TNPO1: variants seen among roughly 807,000 people sequenced by gnomAD.
TNPO1 encodes the protein transportin-1.
Under a neutral mutation model 119.5 loss-of-function variants are expected in TNPO1, and 8 were observed. The observed-to-expected ratio is 0.07, with a 90% CI of 0.04 to 0.12. TNPO1 has a LOEUF of 0.12. TNPO1 is among the 10% of genes least tolerant of loss of function. The probability of loss-of-function intolerance (pLI) is 1.00; values close to 1 mark genes in which losing one functional copy is unlikely to be tolerated. For synonymous variants in TNPO1, 362 were observed against 363.0 expected (o/e 1.00, Z 0.03); for missense variants, 576 against 1,089.8 (o/e 0.53, Z 6.64).
chr5:72,906,662 C>T (rs1274911560), intron 24 of TNPO1, among the ~76,000 whole-genome samples: 2 of 152,148 alleles, frequency 1.3e-5, no homozygotes, highest in Non-Finnish European at 2.9e-5. Context: ...TTCATTTGGA[C>T]TCTTGCTCCT....
intron 13 of TNPO1, among the ~76,000 whole-genome samples, chr5:72,889,406 C>A (rs1350244218): frequency 6.6e-6 from 1 of 151,854 alleles, no homozygotes; most frequent in African/African-American, 2.4e-5. Context: ...GCAGTCATAT[C>A]TGGAAGATAT....
intron 13 of TNPO1, 103 bp downstream of exon 13, chr5:72,888,406 A>G: frequency 9.7e-7 from 1 of 1,035,850 alleles, no homozygotes; most frequent in Non-Finnish European, 1.4e-6. Context: ...AGTGTTTCGT[A>G]ATTGAAAATT....
chr5:72,852,586 A>G (rs1452033804), intron 3 of TNPO1, among the ~76,000 whole-genome samples: 1 of 152,250 alleles, frequency 6.6e-6, no homozygotes, highest in Admixed American at 6.5e-5. Context: ...TAATAAAATC[A>G]CTGCACTTGG....
At chr5:72,883,794 T>G (rs1442808887) in intron 11 of TNPO1, among the ~76,000 whole-genome samples, 1 of 152,106 alleles carries the variant, frequency 6.6e-6, no homozygotes, top group Non-Finnish European at 1.5e-5. Flanking sequence ...CTAGCATGAT[T>G]ATGCAGTGGC....
intron 1 of TNPO1, 62 bp downstream of exon 1, chr5:72,816,814 C>G: frequency 6.5e-7 from 1 of 1,535,216 alleles, no homozygotes; most frequent in South Asian, 1.2e-5. Context: ...CTGGGAGCGC[C>G]GAGCTGCCTG....
At chr5:72,868,458 A>AAACAC (rs1554052270) in intron 6 of TNPO1, among the ~76,000 whole-genome samples, 2 of 113,318 alleles carry the variant, frequency 1.8e-5, no homozygotes, top group Admixed American at 1.0e-4. Flanking sequence ...AAAAAAAAAA[A>AAACAC]ACACAAAATA....
chr5:72,864,057 T>C (rs1746692572), intron 5 of TNPO1, among the ~76,000 whole-genome samples: 1 of 152,166 alleles, frequency 6.6e-6, no homozygotes, highest in Non-Finnish European at 1.5e-5. Flanking sequence ...TGTTTGTTCT[T>C]ATTTGAAATT....
chr5:72,910,847 C>A lies in TNPO1; in HGVS notation c.*2174C>A, dbSNP rs1312957382. ...TGTTTTTTAACGTTCTTTCACCTTT[C>A]CTCTACTTTGGCTTTGCAAATTTCA... is the stretch of plus-strand genomic sequence containing the variant. On this transcript the variant is annotated 3_prime_UTR_variant, in exon 25 of 25. Coordinates refer to ENST00000337273, the MANE Select transcript of TNPO1 (RefSeq NM_002270.4). The A allele has an allele frequency of 6.6e-6, 1 of 151,902 alleles. No individual in the cohort carries two copies. Among genetic ancestry groups the A allele is most frequent in the Non-Finnish European group, 1.5e-5 (1 of 67,928 alleles). 9.4% of individuals were successfully genotyped at this position (151,902 alleles called of 1,614,324 possible).
In TNPO1 at chr5:72,900,001, C is replaced by G. The variant is rs1338184336; in HGVS notation, c.2339-5C>G. On this transcript the variant is annotated splice_polypyrimidine_tract_variant and splice_region_variant and intron_variant, in intron 20 of 24. Coordinates refer to ENST00000337273, the MANE Select transcript of TNPO1 (RefSeq NM_002270.4). ...TGGTGTATAACCGTGATTGCGTTAC[C>G]TTAGCAATAACAATTGGTCGTCTTG... 1.9e-6 allele frequency: 3 copies of G among 1,613,616 alleles called. No individual in the cohort carries two copies. Among genetic ancestry groups the G allele is most frequent in the Non-Finnish European group, 2.5e-6 (3 of 1,179,696 alleles).
At chr5:72,878,747 A>T in intron 9 of TNPO1, 2 of 250,484 alleles carry the variant, frequency 8.0e-6, no homozygotes, top group Non-Finnish European at 1.6e-5. Flanking sequence ...GATACGTTTG[A>T]GTTTCTGTGG....
Position 72,904,182 on chromosome 5 carries a change from G to A in TNPO1, c.2589+399G>A, listed in dbSNP as rs191037928. On this transcript the variant is annotated intron_variant, in intron 23 of 24. Transcript: ENST00000337273. The stretch of plus-strand genomic sequence containing the variant: ...GTTAATACCCTCTTTTGATTAACTC[G>A]TCAGTACTCAACCACAGTAAAAAAT... 5.0e-4 allele frequency among the ~76,000 whole-genome samples: 76 copies of A among 152,178 alleles called. 1 individual carries two copies. Among genetic ancestry groups the A allele is most frequent in the East Asian group, 2.1e-3 (11 of 5,188 alleles).
chr5:72,903,255 T>A (rs974833098), intron 22 of TNPO1, among the ~76,000 whole-genome samples: 10 of 152,192 alleles, frequency 6.6e-5, no homozygotes, highest in African/African-American at 2.4e-4. Context: ...AAAATGGACC[T>A]TGAAATTACT....
At chr5:72,872,755 A>G (rs375725073) in intron 7 of TNPO1, 35 bp downstream of exon 7, 7 of 1,455,920 alleles carry the variant, frequency 4.8e-6, no homozygotes, top group Non-Finnish European at 6.5e-6. Flanking sequence ...CCAACCCCCC[A>G]GCTTTTTTTT....
intron 21 of TNPO1, chr5:72,900,761 G>T (rs1264818204): frequency 2.8e-6 from 1 of 355,568 alleles, no homozygotes; most frequent in Non-Finnish European, 5.1e-6. Context: ...AATTTATTAA[G>T]AAAATGTGGA....
At chr5:72,869,997 A>G (rs900988112) in intron 6 of TNPO1, among the ~76,000 whole-genome samples, 10 of 152,130 alleles carry the variant, frequency 6.6e-5, no homozygotes, top group Non-Finnish European at 1.3e-4. Flanking sequence ...TTGGGAAATG[A>G]TATTTAGAGC....
chr5:72,864,486 T>C (rs1485806680), intron 5 of TNPO1, among the ~76,000 whole-genome samples: 2 of 152,202 alleles, frequency 1.3e-5, no homozygotes, highest in African/African-American at 2.4e-5. Flanking sequence ...CCCTTTAGTA[T>C]TAAAATGATT....
chr5:72,868,426 C>T (rs575070138), intron 6 of TNPO1, among the ~76,000 whole-genome samples: 23 of 63,782 alleles, frequency 3.6e-4, no homozygotes, highest in African/African-American at 9.8e-4. Context: ...AGCAAGACTC[C>T]GTCTCAAAAA....
Position 72,853,766 on chromosome 5 carries a change from G to C in TNPO1, c.206-2008G>C, listed in dbSNP as rs79953282. Among the ~76,000 whole-genome samples the C allele has an allele frequency of 4.8e-3, 722 of 151,796 alleles. 7 individuals are homozygous for C. The highest frequency in any genetic ancestry group is 0.017 in the African/African-American group (701 of 41,362). ...TGTTCATATTAAAGCAGCAATACAA[G>C]TAACATCTTAAATGAAAATGCTTAT... is the stretch of plus-strand genomic sequence containing the variant. On this transcript the variant is annotated intron_variant, in intron 3 of 24. Transcript: ENST00000337273.
chr5:72,885,256 A>T (rs1580454730), intron 11 of TNPO1, among the ~76,000 whole-genome samples: 1 of 152,366 alleles, frequency 6.6e-6, no homozygotes, highest in East Asian at 1.9e-4. Flanking sequence ...TACTGATAGC[A>T]CATCTAGTAC....
Sources: allele counts gnomAD v4.1 joint callset (sites outside exome capture counted in the v4.1 genomes callset), GRCh38; gene constraint gnomAD v4.1.1; transcripts MANE v1.5; gene names NCBI Gene and HGNC (gene_info 2026-07-23, HGNC 2026-07-21).